The following CDH4 variants were observed in gnomAD, a reference collection of about 807,000 sequenced individuals.
CDH4 encodes the protein cadherin 4.
In CDH4, 33 loss-of-function variants were observed where a neutral mutation model predicts 86.0. The observed-to-expected ratio is 0.38, with a 90% CI of 0.29 to 0.51. The LOEUF is 0.51. Among genes scored for constraint, CDH4 ranks in the 20% least tolerant of loss-of-function variants. The probability of loss-of-function intolerance (pLI) is 0.86; values close to 1 mark genes in which losing one functional copy is unlikely to be tolerated. For missense variants in CDH4, 1,114 were observed against 1,307.4 expected (o/e 0.85, Z 2.28); for synonymous variants, 555 against 549.4 (o/e 1.01, Z -0.14).
chr20:61,758,652 C>T (rs560732866), intron 3 of CDH4, among the ~76,000 whole-genome samples: 13 of 152,296 alleles, frequency 8.5e-5, no homozygotes, highest in Admixed American at 7.8e-4. Flanking sequence ...CACGTGGCAC[C>T]GCGTCCCATG....
chr20:61,683,758 T>A (rs575240577), intron 2 of CDH4, among the ~76,000 whole-genome samples: 1 of 152,276 alleles, frequency 6.6e-6, no homozygotes, highest in African/African-American at 2.4e-5. Context: ...CCACTCACTG[T>A]CCTCTTCCTT....
intron 2 of CDH4, among the ~76,000 whole-genome samples, chr20:61,561,423 G>A (rs938250560): frequency 6.6e-6 from 1 of 152,238 alleles, no homozygotes; most frequent in Non-Finnish European, 1.5e-5. Flanking sequence ...CCACATGGCG[G>A]GTGCAGGCCA....
At chr20:61,441,203 G>A (rs2085313576) in intron 2 of CDH4, among the ~76,000 whole-genome samples, 1 of 152,184 alleles carries the variant, frequency 6.6e-6, no homozygotes, top group Admixed American at 6.5e-5. Context: ...ATCCATCCAT[G>A]GCAGGAGCCA....
At chr20:61,844,849 T>C in intron 5 of CDH4, 26 bp downstream of exon 5, 1 of 1,588,370 alleles carries the variant, frequency 6.3e-7, no homozygotes, top group African/African-American at 1.3e-5. Context: ...CGGCTGAGAA[T>C]GGGGCCCTGG....
At chr20:61,423,343 A>G (rs6061382) in intron 2 of CDH4, among the ~76,000 whole-genome samples, 73,216 of 151,978 alleles carry the variant, frequency 0.48, 17,821 homozygotes, top group South Asian at 0.54. Flanking sequence ...ACAGATGCAG[A>G]GGCCACTGCC....
intron 2 of CDH4, among the ~76,000 whole-genome samples, chr20:61,484,657 G>A (rs568404563): frequency 2.0e-5 from 3 of 152,308 alleles, no homozygotes; most frequent in East Asian, 1.9e-4. Context: ...GCAAGGCCTC[G>A]TGGGCACCCT....
chr20:61,929,712 G>T lies in CDH4; in HGVS notation c.2109G>T (p.Thr703=), dbSNP rs763770858. 1.9e-6 allele frequency: 3 copies of T among 1,614,160 alleles called. No homozygotes were observed. The South Asian group carries it at 3.3e-5, about 18-fold the overall frequency. The change falls in exon 13 of 16, where the codon ACG becomes ACT. Residue 703 remains threonine (T), a synonymous_variant. Transcript: ENST00000614565. ...CTGGAAACCCTCCCCTGTCCAACACGTCCATCATCAAAGTCAAGGTGTGCC... is the reference window on the plus strand; with the variant it reads ...CTGGAAACCCTCCCCTGTCCAACACTTCCATCATCAAAGTCAAGGTGTGCC... The part of the protein sequence containing the change: ...TDSGNPPLSN[T]SIIKVKVCPC...
At chr20:61,461,709 G>A (rs935792790) in intron 2 of CDH4, among the ~76,000 whole-genome samples, 13 of 152,208 alleles carry the variant, frequency 8.5e-5, no homozygotes, top group African/African-American at 2.9e-4. Context: ...TTCCACATTT[G>A]TGAGGTTGTT....
chr20:61,567,975 A>T (rs2145701445), intron 2 of CDH4, among the ~76,000 whole-genome samples: 1 of 152,296 alleles, frequency 6.6e-6, no homozygotes, highest in African/African-American at 2.4e-5. Flanking sequence ...CCTATCTCTA[A>T]TAAAAAGAAA....
At chr20:61,351,104 G>T (rs1340742008) in intron 2 of CDH4, among the ~76,000 whole-genome samples, 2 of 152,146 alleles carry the variant, frequency 1.3e-5, no homozygotes, top group African/African-American at 4.8e-5. Context: ...CCGTGCTCAA[G>T]GCCTGCTGTC....
chr20:61,581,206 C>G (rs1299215070), intron 2 of CDH4, among the ~76,000 whole-genome samples: 1 of 152,154 alleles, frequency 6.6e-6, no homozygotes, highest in African/African-American at 2.4e-5. Flanking sequence ...CAGGGCCTGG[C>G]TCCAGGGATC....
At chr20:61,308,226 G>A (rs1186950626) in intron 2 of CDH4, among the ~76,000 whole-genome samples, 1 of 152,190 alleles carries the variant, frequency 6.6e-6, no homozygotes, top group Non-Finnish European at 1.5e-5. Flanking sequence ...TGACACATTT[G>A]TACCATGCCA....
In CDH4 at chr20:61,925,701, T is replaced by C. The variant is rs1016937260; in HGVS notation, c.1771+1225T>C. Among the ~76,000 whole-genome samples the C allele has an allele frequency of 2.0e-5, 3 of 152,168 alleles. No homozygotes were observed. The East Asian group carries it at 5.8e-4, about 29-fold the overall frequency. On this transcript the variant is annotated intron_variant, in intron 11 of 15. Coordinates refer to ENST00000614565, the MANE Select transcript of CDH4 (RefSeq NM_001794.5). ...AACTGCAGCACAATTGAGGCTTTTTTTCTCTCACGTCAAAGAAGGCTGGAG... is the reference window on the plus strand; with the variant it reads ...AACTGCAGCACAATTGAGGCTTTTTCTCTCTCACGTCAAAGAAGGCTGGAG...
At chr20:61,306,319 G>A (rs987217569) in intron 2 of CDH4, among the ~76,000 whole-genome samples, 8 of 145,108 alleles carry the variant, frequency 5.5e-5, no homozygotes, top group South Asian at 2.3e-4. Flanking sequence ...GAGTGATGCC[G>A]GTAAGTTTTC....
chr20:61,387,621 G>T (rs1462303681), intron 2 of CDH4, among the ~76,000 whole-genome samples: 1 of 152,092 alleles, frequency 6.6e-6, no homozygotes, highest in African/African-American at 2.4e-5. Context: ...CAGACAAAAA[G>T]ATACACACAG....
chr20:61,351,427 A>T (rs185289956), intron 2 of CDH4, among the ~76,000 whole-genome samples: 83 of 152,318 alleles, frequency 5.4e-4, no homozygotes, highest in African/African-American at 1.7e-3. Context: ...TTTGGCATGC[A>T]CGGTGGTAGG....
At chr20:61,500,798 G>A (rs1029305569) in intron 2 of CDH4, among the ~76,000 whole-genome samples, 11 of 152,192 alleles carry the variant, frequency 7.2e-5, no homozygotes, top group Non-Finnish European at 1.0e-4. Flanking sequence ...AGTACTTGAC[G>A]TATAGCCTCA....
chr20:61,280,245 G>A (rs1055420404), intron 2 of CDH4, among the ~76,000 whole-genome samples: 14 of 152,184 alleles, frequency 9.2e-5, no homozygotes, highest in African/African-American at 3.1e-4. Context: ...GGTGCGGGGA[G>A]TTGCATGGGA....
At chr20:61,899,651 TCTC>T (rs1985294223) in intron 8 of CDH4, among the ~76,000 whole-genome samples, 1 of 152,128 alleles carries the variant, frequency 6.6e-6, no homozygotes, top group Non-Finnish European at 1.5e-5. Flanking sequence ...ATGGTCTTGA[TCTC>T]CTGACCTCGT....
Sources: gnomAD v4.1 joint callset for allele counts (sites outside exome capture counted in the v4.1 genomes callset) on GRCh38, gnomAD v4.1.1 for gene constraint, MANE v1.5 for transcripts, NCBI Gene and HGNC (gene_info 2026-07-23, HGNC 2026-07-21) for gene names.